PSD3: variants seen among roughly 807,000 people sequenced by gnomAD.
PSD3 encodes the protein pleckstrin and Sec7 domain containing 3, also known as PH and SEC7 domain-containing protein 3.
Under a neutral mutation model 105.5 loss-of-function variants are expected in PSD3, and 49 were observed. That is an observed-to-expected ratio of 0.46 (90% CI 0.37 to 0.59). PSD3 has a LOEUF of 0.59. Ranked by LOEUF, PSD3 falls within the 20% of genes least tolerant of loss-of-function variation. PSD3 has a pLI of 0.00. For missense variants in PSD3, 1,561 were observed against 1,263.8 expected, an observed-to-expected ratio of 1.24 and a Z score of -3.57; for synonymous variants, 557 against 457.8, an observed-to-expected ratio of 1.22 and a Z score of -2.77.
intron 12 of PSD3, among the ~76,000 whole-genome samples, chr8:18,590,893 G>C (rs1288581131): frequency 6.6e-6 from 1 of 152,030 alleles, no homozygotes; most frequent in Non-Finnish European, 1.5e-5. Context: ...CTTTTAATAA[G>C]AAACTGTTTA....
intron 1 of PSD3, among the ~76,000 whole-genome samples, chr8:18,951,226 C>T (rs558212565): frequency 6.6e-6 from 1 of 152,186 alleles, no homozygotes; most frequent in East Asian, 1.9e-4. Flanking sequence ...GAGACACCAT[C>T]TCCACAAAAA....
rs559703677 is a variant in PSD3, at chr8:18,677,966, G to C, written c.2173-22281C>G. On this transcript the variant is annotated intron_variant, in intron 9 of 15. Transcript: ENST00000327040. ...CAGAGCTTGCAGTGAGCCGAGATCA[G>C]GCCACTGCACTCCAGCCTGGGCAGC... Among the ~76,000 whole-genome samples the C allele has an allele frequency of 5.3e-4, 79 of 148,214 alleles. 1 individual carries two copies. The highest frequency in any genetic ancestry group is 4.0e-3 in the South Asian group (19 of 4,762).
intron 8 of PSD3, among the ~76,000 whole-genome samples, chr8:18,795,772 T>C (rs1367797689): frequency 6.6e-6 from 1 of 152,192 alleles, no homozygotes; most frequent in Non-Finnish European, 1.5e-5. Context: ...TGAAGATCCA[T>C]CCAGAAAGGG....
chr8:18,624,103 T>C (rs1052009038), intron 11 of PSD3, among the ~76,000 whole-genome samples: 4 of 152,328 alleles, frequency 2.6e-5, no homozygotes, highest in Non-Finnish European at 5.9e-5. Context: ...TCTGTAACAC[T>C]AAGAGTTTTT....
intron 10 of PSD3, among the ~76,000 whole-genome samples, chr8:18,633,622 C>A (rs1041149194): frequency 6.6e-6 from 1 of 152,022 alleles, no homozygotes; most frequent in East Asian, 1.9e-4. Context: ...TAGTATTCCA[C>A]GGTGTGTATG....
At chr8:18,740,288 C>T (rs767740487) in intron 9 of PSD3, among the ~76,000 whole-genome samples, 5 of 152,216 alleles carry the variant, frequency 3.3e-5, no homozygotes, top group Non-Finnish European at 7.3e-5. Context: ...TTTATGAGCA[C>T]TAAATTTTGG....
intron 6 of PSD3, among the ~76,000 whole-genome samples, chr8:18,801,696 G>C (rs1810704958): frequency 6.6e-6 from 1 of 152,260 alleles, no homozygotes; most frequent in Middle Eastern, 3.4e-3. Context: ...CGGGCATGGT[G>C]GTGGGCGCCT....
At chr8:18,742,192 C>T (rs1167346187) in intron 9 of PSD3, among the ~76,000 whole-genome samples, 2 of 152,154 alleles carry the variant, frequency 1.3e-5, no homozygotes, top group Admixed American at 1.3e-4. Context: ...TTCCTATTTC[C>T]TTGCAATATA....
intron 2 of PSD3, among the ~76,000 whole-genome samples, chr8:18,878,269 C>T (rs1409871227): frequency 6.6e-6 from 1 of 152,050 alleles, no homozygotes. Flanking sequence ...CAATTTGTTG[C>T]TGTATGTGAA....
At chr8:18,797,486 G>A (rs1227970352) in intron 8 of PSD3, among the ~76,000 whole-genome samples, 6 of 152,124 alleles carry the variant, frequency 3.9e-5, no homozygotes, top group Admixed American at 2.6e-4. Context: ...TAAGTCTAAA[G>A]AAGAGCAAAT....
intron 2 of PSD3, among the ~76,000 whole-genome samples, chr8:18,882,655 C>T (rs1307543667): frequency 2.0e-5 from 3 of 152,102 alleles, no homozygotes; most frequent in African/African-American, 7.2e-5. Context: ...CTCTCTAACA[C>T]TGTGTTGTCC....
At chr8:18,576,326 C>T (rs575912567) in intron 12 of PSD3, among the ~76,000 whole-genome samples, 7 of 152,002 alleles carry the variant, frequency 4.6e-5, no homozygotes, top group African/African-American at 7.2e-5. Context: ...TAATATTAAA[C>T]GACAAAATTG....
chr8:18,903,146 G>A (rs552170870), intron 2 of PSD3, among the ~76,000 whole-genome samples: 2 of 152,250 alleles, frequency 1.3e-5, no homozygotes, highest in Non-Finnish European at 2.9e-5. Flanking sequence ...CAGGGGGCCA[G>A]GTTGTAGCTG....
chr8:18,817,281 C>T (rs1325258190), intron 4 of PSD3, among the ~76,000 whole-genome samples: 2 of 152,190 alleles, frequency 1.3e-5, no homozygotes, highest in Non-Finnish European at 2.9e-5. Context: ...ATGTTAGCTT[C>T]CAAAGTTCGT....
At chr8:18,730,057 T>C (rs889652101) in intron 9 of PSD3, 1 of 152,224 alleles carries the variant, frequency 6.6e-6, no homozygotes, top group African/African-American at 2.4e-5. Context: ...TACGGGATAC[T>C]AGCTACTGAC....
intron 8 of PSD3, among the ~76,000 whole-genome samples, chr8:18,797,542 G>A (rs1466187968): frequency 6.6e-6 from 1 of 152,098 alleles, no homozygotes; most frequent in Non-Finnish European, 1.5e-5. Flanking sequence ...AAACCTGGGT[G>A]TCCACAGCTC....
At chr8:18,577,438 T>A (rs1278798919) in intron 12 of PSD3, among the ~76,000 whole-genome samples, 1 of 152,098 alleles carries the variant, frequency 6.6e-6, no homozygotes, top group Non-Finnish European at 1.5e-5. Context: ...TACATCATTT[T>A]TTCTACTAGT....
chr8:18,657,104 A>G (rs1189118337), intron 9 of PSD3, among the ~76,000 whole-genome samples: 1 of 152,214 alleles, frequency 6.6e-6, no homozygotes, highest in African/African-American at 2.4e-5. Flanking sequence ...GGGGGATCAC[A>G]TGTCATCTAA....
intron 4 of PSD3, among the ~76,000 whole-genome samples, chr8:18,838,466 T>C (rs913931060): frequency 9.2e-5 from 14 of 152,078 alleles, no homozygotes; most frequent in African/African-American, 2.9e-4. Flanking sequence ...ATAAATGAAG[T>C]TGGGGCAACT....
Sources: allele counts gnomAD v4.1 joint callset (sites outside exome capture counted in the v4.1 genomes callset), GRCh38; gene constraint gnomAD v4.1.1; transcripts MANE v1.5; gene names NCBI Gene and HGNC (gene_info 2026-07-23, HGNC 2026-07-21).